The following CYFIP2 variants were observed in gnomAD, a reference collection of about 807,000 sequenced individuals.
CYFIP2 encodes the protein cytoplasmic FMR1-interacting protein 2.
CYFIP2 carries 29 observed loss-of-function variants against 158.7 expected under a neutral mutation model. The observed-to-expected ratio is 0.18, with a 90% CI of 0.14 to 0.25. The LOEUF (loss-of-function observed/expected upper bound fraction) is 0.25, where lower values mean the gene tolerates loss of function less well. CYFIP2 is among the 10% of genes least tolerant of loss of function. CYFIP2 has a pLI of 1.00. For missense variants in CYFIP2, 852 were observed against 1,639.5 expected (o/e 0.52, Z 8.29); for synonymous variants, 585 against 617.6 (o/e 0.95, Z 0.78).
At chr5:157,347,305 G>GAAA (rs11447275) in intron 23 of CYFIP2, among the ~76,000 whole-genome samples, 3,256 of 134,088 alleles carry the variant, frequency 0.024, 143 homozygotes, top group African/African-American at 0.083. Flanking sequence ...TTTTCCCTTG[G>GAAA]AAAAAAAAAA....
chr5:157,283,914 C>T (rs1223222235), intron 1 of CYFIP2, among the ~76,000 whole-genome samples: 1 of 152,176 alleles, frequency 6.6e-6, no homozygotes, highest in East Asian at 1.9e-4. Context: ...AACTCACTGA[C>T]ATTCACAGCA....
At position 157,340,930 on chromosome 5, in the gene CYFIP2, T is replaced by C. The variant is rs1253812983; in HGVS notation, c.2586-140T>C. 5.5e-6 allele frequency: 4 copies of C among 724,722 alleles called. No individual in the cohort carries two copies. The African/African-American group carries it at 7.0e-5, about 13-fold the overall frequency. The allele number at this position is 724,722 out of a possible 1,614,324, so 44.9% of individuals were successfully genotyped here. A position where few individuals can be genotyped will look rare whatever the true frequency, so the allele number is the denominator to read the frequency against. On this transcript the variant is annotated intron_variant, in intron 22 of 30. Transcript: ENST00000620254. ...AGATGTCAGAAGAGTTTAGTACCTT[T>C]ATAGTCAACCACCTAACAAACAGTG...
At position 157,315,106 on chromosome 5, in the gene CYFIP2, C is replaced by T. The variant is rs772958313; in HGVS notation, c.1356+12C>T. Reference sequence around the variant, plus strand: ...TTGCCTTCGTTGAGGTAGGTGCAGACTCCCTGCATCTCCCTCCCTCCCCAA... The same window carrying T: ...TTGCCTTCGTTGAGGTAGGTGCAGATTCCCTGCATCTCCCTCCCTCCCCAA... On this transcript the variant is annotated intron_variant, in intron 13 of 30. Coordinates refer to ENST00000620254, the MANE Select transcript of CYFIP2 (RefSeq NM_001037333.3). The T allele has an allele frequency of 5.0e-6, 8 of 1,612,944 alleles. 1 individual carries two copies. In the South Asian group the frequency reaches 8.8e-5, roughly 18 times the overall value.
At chr5:157,302,937 T>G in intron 7 of CYFIP2, 47 bp downstream of exon 7, 1 of 1,483,410 alleles carries the variant, frequency 6.7e-7, no homozygotes, top group Non-Finnish European at 9.1e-7. Context: ...CTCGGGGTTA[T>G]AGGCAGGCGT....
chr5:157,271,001 T>G (rs905689730), intron 1 of CYFIP2, among the ~76,000 whole-genome samples: 2 of 152,212 alleles, frequency 1.3e-5, no homozygotes, highest in Non-Finnish European at 2.9e-5. Context: ...ATAAAGCAGT[T>G]TGTCGTGCAG....
At chr5:157,331,150 G>GCCAGC (rs1761426406) in intron 20 of CYFIP2, among the ~76,000 whole-genome samples, 1 of 152,012 alleles carries the variant, frequency 6.6e-6, no homozygotes, top group Non-Finnish European at 1.5e-5. Flanking sequence ...AGCTGGGACT[G>GCCAGC]CCACTTAGAG....
intron 30 of CYFIP2, among the ~76,000 whole-genome samples, chr5:157,392,294 T>C (rs530292677): frequency 2.6e-5 from 4 of 152,368 alleles, no homozygotes; most frequent in Middle Eastern, 6.8e-3. Context: ...CCCAAGATAT[T>C]ATTGCCAAAT....
chr5:157,391,001 T>C (rs905598453), intron 30 of CYFIP2, among the ~76,000 whole-genome samples: 5 of 152,100 alleles, frequency 3.3e-5, no homozygotes, highest in African/African-American at 1.2e-4. Flanking sequence ...GGCACCTGGA[T>C]GGGATAGGTA....
rs1277813171 is a variant in CYFIP2, at chr5:157,395,152, C to A, written c.*2152C>A. 1 of 200,550 alleles carries A rather than the reference C, an allele frequency of 5.0e-6. No homozygotes were observed. The highest frequency in any genetic ancestry group is 1.0e-5 in the Non-Finnish European group (1 of 100,290). The allele number at this position is 200,550 out of a possible 1,614,324, so 12.4% of individuals were successfully genotyped here. The stretch of plus-strand genomic sequence containing the variant: ...ACATTACCTTCAGGAGACTTGATCC[C>A]AGTAGACTGAGGTCTTCCCTTTCAG... On this transcript the variant is annotated 3_prime_UTR_variant, in exon 31 of 31. Transcript: ENST00000620254.
chr5:157,277,672 A>G (rs1756670935), intron 1 of CYFIP2, among the ~76,000 whole-genome samples: 1 of 152,214 alleles, frequency 6.6e-6, no homozygotes, highest in Non-Finnish European at 1.5e-5. Flanking sequence ...GCAAACTCAG[A>G]TTGATTGCTG....
Position 157,319,900 on chromosome 5 carries a change from G to A in CYFIP2, c.1495G>A (p.Val499Ile), listed in dbSNP as rs1333538280. 2 of 1,614,046 alleles carry A rather than the reference G, an allele frequency of 1.2e-6. No homozygotes were observed. Among genetic ancestry groups the A allele is most frequent in the Admixed American group, 3.3e-5 (2 of 60,030 alleles). The change falls in exon 14 of 31, where the codon GTA becomes ATA. Residue 499 changes from valine (V) to isoleucine (I), a missense_variant. Coordinates refer to ENST00000620254, the MANE Select transcript of CYFIP2 (RefSeq NM_001037333.3). ...GCTGCGTGAGCCCCTGCGGCAGGCG[G>A]TACGGAAGAAGAAGAATGTCCTCAT... is the stretch of plus-strand genomic sequence containing the variant. The part of the protein sequence containing the change: ...VTLREPLRQA[V>I]RKKKNVLISV...
intron 21 of CYFIP2, among the ~76,000 whole-genome samples, chr5:157,336,859 A>G (rs1171027372): frequency 6.6e-6 from 1 of 152,228 alleles, no homozygotes; most frequent in Non-Finnish European, 1.5e-5. Flanking sequence ...TCTGGTTTCA[A>G]GGCCAGAAGA....
chr5:157,360,294 A>G lies in CYFIP2; in HGVS notation c.2830A>G (p.Ile944Val), dbSNP rs1349235758. ...CTTCTTTTGTCAGCTCCAAGGAACC[A>G]TTCTCCAGTATGTGAAAACACTGAT... ...KIVKSLLQGT[I>V]LQYVKTLIEV... The change falls in exon 25 of 31, where the codon ATT (isoleucine) becomes GTT (valine). Residue 944 changes from isoleucine (I) to valine (V), a missense_variant. Around this residue, in one of 8 missense-constraint regions of CYFIP2, gnomAD observed 191 missense variants for 311.2 expected, o/e 0.61. Transcript: ENST00000620254. 3 of 1,613,666 alleles carry G rather than the reference A, an allele frequency of 1.9e-6. No individual in the cohort carries two copies. The highest frequency in any genetic ancestry group is 2.5e-6 in the Non-Finnish European group (3 of 1,179,734).
intron 5 of CYFIP2, among the ~76,000 whole-genome samples, chr5:157,300,476 A>G (rs1482677353): frequency 6.6e-6 from 1 of 151,430 alleles, no homozygotes; most frequent in Non-Finnish European, 1.5e-5. Context: ...TGGAGGTTGC[A>G]GTGAGCCGAG....
chr5:157,317,903 A>G (rs919245602), intron 13 of CYFIP2, among the ~76,000 whole-genome samples: 18 of 151,820 alleles, frequency 1.2e-4, no homozygotes, highest in Admixed American at 7.2e-4. Context: ...CTTCTTTCCA[A>G]TCTGCATGGG....
chr5:157,343,474 C>G (rs1762449014), intron 23 of CYFIP2: 1 of 1,606,568 alleles, frequency 6.2e-7, no homozygotes, highest in Non-Finnish European at 8.5e-7. Flanking sequence ...CCAGGCAGGG[C>G]TCCGAGGACG....
intron 30 of CYFIP2, among the ~76,000 whole-genome samples, chr5:157,392,482 T>G (rs1379923167): frequency 6.6e-6 from 1 of 152,212 alleles, no homozygotes; most frequent in Non-Finnish European, 1.5e-5. Flanking sequence ...AAAGGCTGTT[T>G]CCCCCATTGA....
chr5:157,359,019 C>G lies in CYFIP2; in HGVS notation c.2688C>G (p.Ala896=), dbSNP rs1268540644. 4 of 1,614,014 alleles carry G rather than the reference C, an allele frequency of 2.5e-6. No individual in the cohort carries two copies. Among genetic ancestry groups the G allele is most frequent in the South Asian group, 1.1e-5 (1 of 91,088 alleles). ...CTGTTTTCCAGCCTCTCAACATTGC[C>G]TACAGCCACATCTACAGCTCCTACA... ...YLYGSKPLNI[A]YSHIYSSYRN... Residue 896 remains alanine, a synonymous_variant, in exon 24 of 31, where the codon GCC becomes GCG. Coordinates refer to ENST00000620254, the MANE Select transcript of CYFIP2 (RefSeq NM_001037333.3).
intron 10 of CYFIP2, 32 bp downstream of exon 10, chr5:157,309,866 C>A: frequency 1.3e-6 from 2 of 1,555,884 alleles, no homozygotes; most frequent in East Asian, 4.8e-5. Flanking sequence ...TCTCGGCTCC[C>A]GCAAGGATGC....
Sources: allele counts gnomAD v4.1 joint callset (sites outside exome capture counted in the v4.1 genomes callset), GRCh38; gene constraint gnomAD v4.1.1; regional missense constraint gnomAD v4.1.1; transcripts MANE v1.5; gene names NCBI Gene and HGNC (gene_info 2026-07-23, HGNC 2026-07-21).